CDCA7L: variants seen among roughly 807,000 people sequenced by gnomAD.
The protein encoded by CDCA7L is cell division cycle associated 7 like.
CDCA7L carries 44 observed loss-of-function variants against 57.4 expected under a neutral mutation model. The ratio of observed to expected loss-of-function variants is 0.77; its 90% CI spans 0.60 to 0.98. The LOEUF (loss-of-function observed/expected upper bound fraction) is 0.98, where lower values mean the gene tolerates loss of function less well. CDCA7L is among the 50% of genes least tolerant of loss of function. The pLI, the probability that CDCA7L is intolerant of heterozygous loss-of-function variation, is 0.00. For synonymous variants in CDCA7L, 236 were observed against 202.8 expected (o/e 1.16, Z -1.39); for missense variants, 644 against 580.6 (o/e 1.11, Z -1.12).
At chr7:21,930,128 A>AC (rs36199338) in intron 1 of CDCA7L, among the ~76,000 whole-genome samples, 82,932 of 151,880 alleles carry the variant, frequency 0.55, 23,345 homozygotes, top group East Asian at 0.7. Context: ...CTCTCAGACC[A>AC]AGTGCAATCA....
intron 8 of CDCA7L, 141 bp from the exon 9 acceptor site, chr7:21,903,255 C>A (rs1013788535): frequency 2.7e-6 from 2 of 744,096 alleles, no homozygotes; most frequent in Non-Finnish European, 4.2e-6. Context: ...TCCCAGGGGG[C>A]TCCTCACAAG....
At chr7:21,908,587 A>G in intron 3 of CDCA7L, 80 bp from the exon 4 acceptor site, 2 of 1,350,618 alleles carry the variant, frequency 1.5e-6, no homozygotes, top group South Asian at 1.9e-5. Context: ...AACAACTGAC[A>G]GCATTATGAG....
intron 1 of CDCA7L, among the ~76,000 whole-genome samples, chr7:21,932,044 C>T (rs1449064339): frequency 1.3e-5 from 2 of 152,168 alleles, no homozygotes; most frequent in Non-Finnish European, 2.9e-5. Context: ...AGTGAACTCT[C>T]ATTTACAATT....
At chr7:21,902,832 T>C in intron 9 of CDCA7L, 146 bp downstream of exon 9, 1 of 699,112 alleles carries the variant, frequency 1.4e-6, no homozygotes, top group Non-Finnish European at 2.4e-6. Flanking sequence ...GCTTTTCCAA[T>C]GCAAACAGAT....
chr7:21,905,724 A>G (rs1414655895), intron 6 of CDCA7L, 93 bp from the exon 7 acceptor site: 1 of 1,342,292 alleles, frequency 7.4e-7, no homozygotes, highest in Admixed American at 2.3e-5. Flanking sequence ...TAGCACCATT[A>G]ATGTTAACCC....
At position 21,906,582 on chromosome 7, in the gene CDCA7L, G is replaced by T; in HGVS notation, c.739C>A (p.Pro247Thr). The change falls in exon 5 of 10, where the codon CCA (proline) becomes ACA (threonine). Residue 247 changes from proline (P) to threonine (T), a missense_variant. Physicochemically the swap from Pro to Thr is conservative, Grantham distance 38. Transcript: ENST00000406877. ...SMPDFFPVRT[P>T]TSASRKKTVR... The stretch of plus-strand genomic sequence containing the variant: ...GTTCTACTTACAGAAGCTGAGGTTG[G>T]GGTTCGTACTGGGAAGAAATCTGGC... The T allele has an allele frequency of 1.2e-6, 2 of 1,614,128 alleles. No individual in the cohort carries two copies. The highest frequency in any genetic ancestry group is 1.7e-4 in the Middle Eastern group (1 of 6,050).
At chr7:21,942,468 T>C (rs1272460209) in intron 1 of CDCA7L, among the ~76,000 whole-genome samples, 1 of 152,200 alleles carries the variant, frequency 6.6e-6, no homozygotes, top group Admixed American at 6.5e-5. Context: ...TCTATTCCAT[T>C]TTGGTGAATA....
At chr7:21,919,861 T>C (rs1043853993) in intron 1 of CDCA7L, among the ~76,000 whole-genome samples, 1 of 152,190 alleles carries the variant, frequency 6.6e-6, no homozygotes, top group African/African-American at 2.4e-5. Flanking sequence ...CCCTGGAACA[T>C]AGTCTCACTA....
At chr7:21,914,543 T>C (rs892713889) in intron 2 of CDCA7L, among the ~76,000 whole-genome samples, 2 of 152,070 alleles carry the variant, frequency 1.3e-5, no homozygotes, top group Non-Finnish European at 2.9e-5. Flanking sequence ...AGAGCACAGA[T>C]AGGCAGGAAC....
At chr7:21,941,935 G>A (rs1384316731) in intron 1 of CDCA7L, among the ~76,000 whole-genome samples, 5 of 152,112 alleles carry the variant, frequency 3.3e-5, no homozygotes, top group African/African-American at 1.2e-4. Context: ...CAAACCCAAG[G>A]TCCCCCAGGT....
chr7:21,933,869 G>C (rs1216951682), intron 1 of CDCA7L, among the ~76,000 whole-genome samples: 1 of 151,326 alleles, frequency 6.6e-6, no homozygotes, highest in Non-Finnish European at 1.5e-5. Flanking sequence ...GCAGTAGGAT[G>C]ATTTATTTGT....
At chr7:21,914,651 G>C (rs190434998) in intron 2 of CDCA7L, among the ~76,000 whole-genome samples, 19 of 152,338 alleles carry the variant, frequency 1.2e-4, no homozygotes, top group African/African-American at 4.6e-4. Context: ...AAGAGACCCG[G>C]CGGGGTAAGA....
intron 1 of CDCA7L, among the ~76,000 whole-genome samples, chr7:21,936,232 G>C (rs925939329): frequency 4.6e-5 from 7 of 152,144 alleles, no homozygotes; most frequent in African/African-American, 1.7e-4. Context: ...ATGGCTTCAT[G>C]GGTAATTCTA....
chr7:21,906,481 A>C, intron 5 of CDCA7L, 25 bp from the exon 6 acceptor site: 1 of 1,609,930 alleles, frequency 6.2e-7, no homozygotes, highest in Non-Finnish European at 8.5e-7. Context: ...ACAGACAGAG[A>C]CAACTGGGGA....
intron 8 of CDCA7L, 70 bp from the exon 9 acceptor site, chr7:21,903,184 C>T: frequency 1.3e-6 from 2 of 1,492,396 alleles, no homozygotes; most frequent in South Asian, 1.2e-5. Context: ...GGATTCGGAT[C>T]CAGAATGGCT....
intron 1 of CDCA7L, among the ~76,000 whole-genome samples, chr7:21,934,300 ATAGGAG>A (rs1354634615): frequency 3.3e-5 from 5 of 152,232 alleles, no homozygotes; most frequent in African/African-American, 1.2e-4. Context: ...AAAGAGCTAT[ATAGGAG>A]TAGAATTTTT....
intron 1 of CDCA7L, chr7:21,944,552 C>T (rs952864341): frequency 6.6e-6 from 1 of 151,730 alleles, no homozygotes; most frequent in African/African-American, 2.4e-5. Context: ...TACTGTTTCC[C>T]TTGCTTTTAA....
At chr7:21,922,024 A>C (rs951837520) in intron 1 of CDCA7L, among the ~76,000 whole-genome samples, 1 of 152,196 alleles carries the variant, frequency 6.6e-6, no homozygotes, top group Non-Finnish European at 1.5e-5. Flanking sequence ...AAAGCAGATG[A>C]TCAACAAACC....
chr7:21,945,693 T>C lies in CDCA7L; in HGVS notation c.24+88A>G, dbSNP rs1296870572. The C allele has an allele frequency of 1.6e-5, 25 of 1,535,760 alleles. No homozygotes were observed. The East Asian group carries it at 5.5e-4, about 34-fold the overall frequency. On this transcript the variant is annotated intron_variant, in intron 1 of 9. Coordinates refer to ENST00000406877, the MANE Select transcript of CDCA7L (RefSeq NM_018719.5). ...CCCAGTGCCGCAGCCAAGGGCCACG[T>C]TTCCAGCCCAAGGCCAGCAGGACCG...
Sources: allele counts gnomAD v4.1 joint callset (sites outside exome capture counted in the v4.1 genomes callset), GRCh38; gene constraint gnomAD v4.1.1; transcripts MANE v1.5; gene names NCBI Gene and HGNC (gene_info 2026-07-23, HGNC 2026-07-21).